Variants in PAPPA observed in about 807,000 individuals in gnomAD.
PAPPA encodes the protein pappalysin 1, also known as pappalysin-1.
Under a neutral mutation model 164.0 loss-of-function variants are expected in PAPPA, and 60 were observed. That is an observed-to-expected ratio of 0.37 (90% CI 0.30 to 0.45). PAPPA has a LOEUF of 0.45. PAPPA is among the 20% of genes least tolerant of loss of function. The probability of loss-of-function intolerance (pLI) is 1.00; values close to 1 mark genes in which losing one functional copy is unlikely to be tolerated. For synonymous variants in PAPPA, 875 were observed against 814.1 expected (o/e 1.07, Z -1.27); for missense variants, 1,782 against 2,087.3 (o/e 0.85, Z 2.85).
At chr9:116,182,014 A>C (rs1843911781) in intron 1 of PAPPA, among the ~76,000 whole-genome samples, 1 of 152,224 alleles carries the variant, frequency 6.6e-6, no homozygotes, top group Non-Finnish European at 1.5e-5. Context: ...AACAGCCTAC[A>C]ACAAAACATT....
At chr9:116,353,521 T>G (rs1846311567) in intron 16 of PAPPA, 101 bp from the exon 17 acceptor site, 2 of 1,080,820 alleles carry the variant, frequency 1.9e-6, no homozygotes, top group African/African-American at 3.2e-5. Flanking sequence ...GAATCAAAAC[T>G]AGGAAATAGG....
At chr9:116,312,907 C>T (rs899479819) in intron 10 of PAPPA, among the ~76,000 whole-genome samples, 34 of 151,954 alleles carry the variant, frequency 2.2e-4, no homozygotes, top group African/African-American at 7.5e-4. Context: ...CACGGTGAAA[C>T]CTCATCTCTA....
At chr9:116,348,841 T>C (rs1335688236) in intron 15 of PAPPA, among the ~76,000 whole-genome samples, 1 of 152,208 alleles carries the variant, frequency 6.6e-6, no homozygotes, top group East Asian at 1.9e-4. Context: ...TCTCATTCTT[T>C]TTTATGGCCA....
intron 1 of PAPPA, among the ~76,000 whole-genome samples, chr9:116,175,189 C>T (rs1249186411): frequency 6.6e-6 from 1 of 152,150 alleles, no homozygotes; most frequent in Non-Finnish European, 1.5e-5. Flanking sequence ...GTTGAAGGGG[C>T]TTATATGATG....
At chr9:116,378,002 C>A (rs1846678113) in intron 20 of PAPPA, among the ~76,000 whole-genome samples, 1 of 152,094 alleles carries the variant, frequency 6.6e-6, no homozygotes, top group Non-Finnish European at 1.5e-5. Flanking sequence ...TGGAAATTTA[C>A]CAACATTGTT....
At chr9:116,250,013 A>ATGTG (rs67162181) in intron 7 of PAPPA, among the ~76,000 whole-genome samples, 4,364 of 143,614 alleles carry the variant, frequency 0.03, 72 homozygotes, top group Middle Eastern at 0.063. Flanking sequence ...GTACCTGCAT[A>ATGTG]TGTGTGTGTG....
chr9:116,183,702 G>A (rs909383504), intron 1 of PAPPA, among the ~76,000 whole-genome samples: 2 of 152,186 alleles, frequency 1.3e-5, no homozygotes, highest in African/African-American at 4.8e-5. Flanking sequence ...CTGCTTCAAG[G>A]TTCTCATTTC....
intron 10 of PAPPA, among the ~76,000 whole-genome samples, chr9:116,304,247 C>G (rs112151334): frequency 1.3e-5 from 2 of 152,214 alleles, no homozygotes; most frequent in African/African-American, 4.8e-5. Context: ...CATCTTTGTC[C>G]TCTCATGTTC....
chr9:116,163,778 C>A (rs1417292172), intron 1 of PAPPA, among the ~76,000 whole-genome samples: 1 of 152,180 alleles, frequency 6.6e-6, no homozygotes, highest in African/African-American at 2.4e-5. Flanking sequence ...GGTACACCTT[C>A]TTGCTAAGTA....
rs1846301806 is a variant in PAPPA, at chr9:116,352,845, G to A, written c.4104G>A (p.Lys1368=). ...CCCGGTGCCGAGAGAATAAGCACAA[G>A]GTGGGCTCCTTCTGCAAATACAAAT... ...QTARCRENKH[K]VGSFCKYKCK... is the part of the protein sequence containing the mutation. The change falls in exon 16 of 22, where the codon AAG becomes AAA. Residue 1368 remains lysine (K), a synonymous_variant. Transcript: ENST00000328252. 1.2e-6 allele frequency: 2 copies of A among 1,614,106 alleles called. No individual in the cohort carries two copies. Among genetic ancestry groups the A allele is most frequent in the Non-Finnish European group, 1.7e-6 (2 of 1,179,976 alleles).
intron 2 of PAPPA, among the ~76,000 whole-genome samples, chr9:116,204,532 G>A (rs893416293): frequency 2.6e-5 from 4 of 151,996 alleles, no homozygotes; most frequent in East Asian, 1.9e-4. Context: ...CTCCTGTCTC[G>A]GCCTCCGAAG....
intron 5 of PAPPA, among the ~76,000 whole-genome samples, chr9:116,221,822 A>G (rs112575481): frequency 1.2e-4 from 19 of 152,368 alleles, no homozygotes; most frequent in Non-Finnish European, 2.1e-4. Context: ...AAGGACCTAA[A>G]TAGACACTTC....
chr9:116,204,606 G>T (rs991557917), intron 2 of PAPPA, among the ~76,000 whole-genome samples: 40 of 151,764 alleles, frequency 2.6e-4, no homozygotes, highest in African/African-American at 8.5e-4. Flanking sequence ...TGTAAAGATG[G>T]GATCTCCCTG....
intron 2 of PAPPA, among the ~76,000 whole-genome samples, chr9:116,194,082 C>T (rs1339052811): frequency 6.6e-6 from 1 of 152,152 alleles, no homozygotes; most frequent in African/African-American, 2.4e-5. Flanking sequence ...CTGGTTGGGG[C>T]TTCATGAAGG....
chr9:116,243,870 C>T (rs773818139), intron 7 of PAPPA, among the ~76,000 whole-genome samples: 3 of 152,096 alleles, frequency 2.0e-5, no homozygotes, highest in African/African-American at 4.8e-5. Flanking sequence ...CCTTCTCCCA[C>T]GCCTGCCCAG....
intron 12 of PAPPA, chr9:116,332,737 C>CTGT: frequency 3.1e-6 from 1 of 320,342 alleles, no homozygotes; most frequent in Non-Finnish European, 5.8e-6. Flanking sequence ...TGTATTATTC[C>CTGT]CCACAGACCC....
intron 10 of PAPPA, among the ~76,000 whole-genome samples, chr9:116,324,453 C>G (rs1015078733): frequency 6.6e-6 from 1 of 152,082 alleles, no homozygotes; most frequent in Non-Finnish European, 1.5e-5. Context: ...CTGCTGGGCC[C>G]CTATTATTTC....
intron 13 of PAPPA, among the ~76,000 whole-genome samples, chr9:116,336,589 C>T (rs1394982797): frequency 1.3e-5 from 2 of 152,210 alleles, no homozygotes; most frequent in East Asian, 3.8e-4. Flanking sequence ...GACTGAGGCC[C>T]AGACTGACTT....
At chr9:116,246,374 A>G (rs921956012) in intron 7 of PAPPA, among the ~76,000 whole-genome samples, 2 of 152,198 alleles carry the variant, frequency 1.3e-5, no homozygotes, top group African/African-American at 2.4e-5. Flanking sequence ...TAATAATTAT[A>G]TCCATCATTT....
Sources: gnomAD v4.1 joint callset for allele counts (sites outside exome capture counted in the v4.1 genomes callset) on GRCh38, gnomAD v4.1.1 for gene constraint, MANE v1.5 for transcripts, NCBI Gene and HGNC (gene_info 2026-07-23, HGNC 2026-07-21) for gene names.